The following ZFHX4 variants were observed in gnomAD, a reference collection of about 807,000 sequenced individuals.
The protein encoded by ZFHX4 is zinc finger homeobox 4.
A neutral mutation model predicts 267.6 loss-of-function variants in ZFHX4; 56 were observed. That is an observed-to-expected ratio of 0.21 (90% CI 0.17 to 0.26). The LOEUF (loss-of-function observed/expected upper bound fraction) is 0.26, where lower values mean the gene tolerates loss of function less well. Among genes scored for constraint, ZFHX4 ranks in the 10% least tolerant of loss-of-function variants. The pLI, the probability that ZFHX4 is intolerant of heterozygous loss-of-function variation, is 1.00. For synonymous variants in ZFHX4, 1,778 were observed against 1,665.6 expected, an observed-to-expected ratio of 1.07 and a Z score of -1.64; for missense variants, 4,332 against 4,420.0, an observed-to-expected ratio of 0.98 and a Z score of 0.56.
chr8:76,729,831 A>T (rs777011424), intron 3 of ZFHX4, among the ~76,000 whole-genome samples: 1 of 152,320 alleles, frequency 6.6e-6, no homozygotes, highest in South Asian at 2.1e-4. Flanking sequence ...GCCAGCCTGT[A>T]TGGGTTTACA....
In ZFHX4 at chr8:76,854,031, G is replaced by A. The variant is rs374869797; in HGVS notation, c.7110G>A (p.Thr2370=). Residue 2370 remains threonine (T), a synonymous_variant, in exon 10 of 11, where the codon ACG becomes ACA. Transcript: ENST00000651372. The part of the protein sequence containing the change: ...VYKHCTVSGQ[T]DAAKNAAAPA... ...AGCATTGCACAGTGTCTGGCCAAAC[G>A]GATGCAGCTAAAAACGCTGCTGCCC... is the stretch of plus-strand genomic sequence containing the variant. 1 of 1,613,868 alleles carries A rather than the reference G, an allele frequency of 6.2e-7. No homozygotes were observed. Among genetic ancestry groups the A allele is most frequent in the Admixed American group, 1.7e-5 (1 of 60,004 alleles).
At chr8:76,776,687 G>T (rs1410014109) in intron 3 of ZFHX4, among the ~76,000 whole-genome samples, 1 of 152,164 alleles carries the variant, frequency 6.6e-6, no homozygotes, top group African/African-American at 2.4e-5. Context: ...ACTTACATGA[G>T]CTACGCTGCA....
intron 5 of ZFHX4, among the ~76,000 whole-genome samples, chr8:76,835,251 A>ATATATGTATATATATGTG (rs1563549161): frequency 6.1e-5 from 5 of 82,602 alleles, no homozygotes; most frequent in South Asian, 3.3e-4. Context: ...GTATATATAT[A>ATATATGTATATATATGTG]TATATATATT....
chr8:76,791,094 CTG>C (rs1167023699), intron 4 of ZFHX4, among the ~76,000 whole-genome samples: 1 of 152,186 alleles, frequency 6.6e-6, no homozygotes, highest in Non-Finnish European at 1.5e-5. Flanking sequence ...CAGAAACAGA[CTG>C]AAAAACTGAT....
Position 76,855,327 on chromosome 8 carries a change from G to A in ZFHX4, c.8406G>A (p.Glu2802=). 2 of 1,613,682 alleles carry A rather than the reference G, an allele frequency of 1.2e-6. No individual in the cohort carries two copies. Among genetic ancestry groups the A allele is most frequent in the Non-Finnish European group, 1.7e-6 (2 of 1,179,830 alleles). ...ATCAAAATAAAACCGATTTTGATGAGACTTCATCGATTAATACGGCAATCA... is the reference window on the plus strand; with the variant it reads ...ATCAAAATAAAACCGATTTTGATGAAACTTCATCGATTAATACGGCAATCA... The part of the protein sequence containing the change: ...GYDQNKTDFD[E]TSSINTAISD... Residue 2802 remains glutamate (E), a synonymous_variant, in exon 10 of 11, where the codon GAG becomes GAA. Transcript: ENST00000651372.
At chr8:76,835,133 T>C (rs1585992665) in intron 5 of ZFHX4, among the ~76,000 whole-genome samples, 2 of 148,634 alleles carry the variant, frequency 1.3e-5, no homozygotes. Flanking sequence ...GTTGATGGAG[T>C]TATTTTTGGT....
chr8:76,752,498 A>G (rs1048949601), intron 3 of ZFHX4, among the ~76,000 whole-genome samples: 3 of 150,374 alleles, frequency 2.0e-5, no homozygotes, highest in African/African-American at 4.9e-5. Flanking sequence ...AAAAAAAAAA[A>G]AAAAAAAAAA....
At chr8:76,711,809 A>T (rs992527167) in intron 3 of ZFHX4, among the ~76,000 whole-genome samples, 2 of 152,210 alleles carry the variant, frequency 1.3e-5, no homozygotes, top group Non-Finnish European at 2.9e-5. Flanking sequence ...GAGGAAGAAC[A>T]AATGAAACTG....
At chr8:76,717,561 T>C (rs1808610008) in intron 3 of ZFHX4, among the ~76,000 whole-genome samples, 1 of 152,200 alleles carries the variant, frequency 6.6e-6, no homozygotes. Context: ...GCAATAACTA[T>C]GGTTGATGTG....
chr8:76,703,831 G>A (rs1021787213), intron 1 of ZFHX4, among the ~76,000 whole-genome samples: 23 of 152,216 alleles, frequency 1.5e-4, no homozygotes, highest in Admixed American at 3.9e-4. Flanking sequence ...AAAACACCTT[G>A]GATGTCTAGG....
At chr8:76,789,608 C>A (rs762470132) in intron 4 of ZFHX4, among the ~76,000 whole-genome samples, 14 of 152,118 alleles carry the variant, frequency 9.2e-5, no homozygotes, top group Non-Finnish European at 1.8e-4. Context: ...TCAGAATTAT[C>A]TAGTTTATTC....
At chr8:76,752,487 C>A (rs140632154) in intron 3 of ZFHX4, among the ~76,000 whole-genome samples, 6,395 of 70,816 alleles carry the variant, frequency 0.09, 498 homozygotes, top group Non-Finnish European at 0.14. Context: ...ACCAAAAATC[C>A]AAAAAAAAAA....
intron 4 of ZFHX4, among the ~76,000 whole-genome samples, chr8:76,779,739 G>T (rs556560444): frequency 6.6e-6 from 1 of 151,940 alleles, no homozygotes; most frequent in African/African-American, 2.4e-5. Context: ...ATGTAGTGGC[G>T]TAAGGGGGTC....
intron 3 of ZFHX4, among the ~76,000 whole-genome samples, chr8:76,776,328 T>G (rs1810399800): frequency 6.6e-6 from 1 of 152,032 alleles, no homozygotes; most frequent in South Asian, 2.1e-4. Flanking sequence ...TGTTTTGGTG[T>G]GTTATAATAG....
In ZFHX4 at chr8:76,708,025, G is replaced by A. The variant is rs781441407; in HGVS notation, c.3070G>A (p.Glu1024Lys). 29 of 1,613,490 alleles carry A rather than the reference G, an allele frequency of 1.8e-5. No homozygotes were observed. Among genetic ancestry groups the A allele is most frequent in the Non-Finnish European group, 2.1e-5 (25 of 1,179,888 alleles). Reference sequence around the variant, plus strand: ...CTTGCATACCACCAATCACAGGCACGAGGCGGCCCTGAAGCTCTACAAGGT... The same window carrying A: ...CTTGCATACCACCAATCACAGGCACAAGGCGGCCCTGAAGCTCTACAAGGT... ...LRLHTTNHRHEAALKLYKHLQ... is the reference protein window; with the variant it reads ...LRLHTTNHRHKAALKLYKHLQ... Residue 1024 changes from glutamate to lysine, a missense_variant, in exon 3 of 11, where the codon GAG (glutamate) becomes AAG (lysine). Physicochemically the swap from Glu to Lys is moderately conservative, Grantham distance 56. Transcript: ENST00000651372.
Position 76,706,390 on chromosome 8 carries a change from C to T in ZFHX4, c.2302C>T (p.Arg768Trp), listed in dbSNP as rs766137522. 5.0e-6 allele frequency: 8 copies of T among 1,613,992 alleles called. No individual in the cohort carries two copies. The highest frequency in any genetic ancestry group is 1.3e-5 in the African/African-American group (1 of 74,932). ...PSKPKQKPTW[R>W]CEVCDYETNV... is the part of the protein sequence containing the mutation. ...CAAACCCAAACAGAAACCCACCTGG[C>T]GGTGTGAAGTTTGTGATTATGAAAC... Residue 768 changes from arginine (R) to tryptophan (W), a missense_variant, in exon 2 of 11, where the codon CGG becomes TGG. Arg to Trp is a moderately radical substitution (Grantham distance 101). This residue lies in a region of ZFHX4 where 1,195 missense variants were observed against 1,173.6 expected (regional missense o/e 1.02). Coordinates refer to ENST00000651372, the MANE Select transcript of ZFHX4 (RefSeq NM_024721.5).
At chr8:76,832,002 T>TGGGG (rs5892567) in intron 4 of ZFHX4, among the ~76,000 whole-genome samples, 3 of 144,618 alleles carry the variant, frequency 2.1e-5, no homozygotes, top group African/African-American at 7.7e-5. Context: ...GTTTTTTTAG[T>TGGGG]GGGGGGGGGC....
intron 4 of ZFHX4, among the ~76,000 whole-genome samples, chr8:76,800,171 C>T (rs1361126889): frequency 1.3e-5 from 2 of 152,064 alleles, no homozygotes; most frequent in Non-Finnish European, 2.9e-5. Flanking sequence ...GATGTTGGCA[C>T]ATCCTGACAG....
intron 8 of ZFHX4, chr8:76,849,987 C>A (rs1348639637): frequency 3.5e-6 from 2 of 570,718 alleles, no homozygotes; most frequent in African/African-American, 3.7e-5. Flanking sequence ...GGGCACCTTG[C>A]ATTTCAAACT....
Sources: gnomAD v4.1 joint callset for allele counts (sites outside exome capture counted in the v4.1 genomes callset) on GRCh38, gnomAD v4.1.1 for gene constraint, gnomAD v4.1.1 regional missense constraint, MANE v1.5 for transcripts, NCBI Gene and HGNC (gene_info 2026-07-23, HGNC 2026-07-21) for gene names.